Variants in SPAG16 observed in about 807,000 individuals in gnomAD.
SPAG16 encodes the protein sperm associated antigen 16.
Under a neutral mutation model 80.4 loss-of-function variants are expected in SPAG16, and 86 were observed. That is an observed-to-expected ratio of 1.07 (90% CI 0.90 to 1.28). The LOEUF (loss-of-function observed/expected upper bound fraction) is 1.28. Among genes scored for constraint, SPAG16 ranks in the 50% most tolerant of loss-of-function variants. The pLI, the probability that SPAG16 is intolerant of heterozygous loss-of-function variation, is 0.00. For missense variants in SPAG16, 870 were observed against 765.3 expected (o/e 1.14, Z -1.61); for synonymous variants, 294 against 265.9 (o/e 1.11, Z -1.03).
chr2:213,286,902 A>G (rs1414898872), intron 1 of SPAG16, among the ~76,000 whole-genome samples: 1 of 152,258 alleles, frequency 6.6e-6, no homozygotes, highest in Non-Finnish European at 1.5e-5. Flanking sequence ...GGGGACATTA[A>G]TGAAGGTCCC....
intron 10 of SPAG16, among the ~76,000 whole-genome samples, chr2:213,577,607 A>C (rs2060171632): frequency 6.6e-6 from 1 of 152,192 alleles, no homozygotes; most frequent in Non-Finnish European, 1.5e-5. Context: ...CTGACACTTA[A>C]GATAATTCTG....
intron 13 of SPAG16, among the ~76,000 whole-genome samples, chr2:214,086,806 A>G (rs971493988): frequency 6.6e-6 from 1 of 152,150 alleles, no homozygotes; most frequent in Non-Finnish European, 1.5e-5. Flanking sequence ...GATCAATCAC[A>G]TTTCAAACTT....
chr2:213,295,681 T>G (rs536886581), intron 1 of SPAG16, among the ~76,000 whole-genome samples: 46 of 152,262 alleles, frequency 3.0e-4, no homozygotes, highest in African/African-American at 1.1e-3. Flanking sequence ...AAATTCATTG[T>G]GGTTTAAGAT....
At chr2:213,424,363 A>G (rs1436107559) in intron 9 of SPAG16, among the ~76,000 whole-genome samples, 4 of 152,206 alleles carry the variant, frequency 2.6e-5, no homozygotes, top group African/African-American at 9.6e-5. Flanking sequence ...CATTATAGAG[A>G]TTTGAATATA....
At chr2:213,672,131 G>A (rs1485589079) in intron 10 of SPAG16, among the ~76,000 whole-genome samples, 1 of 151,806 alleles carries the variant, frequency 6.6e-6, no homozygotes, top group Non-Finnish European at 1.5e-5. Context: ...ATAAAGTTGT[G>A]AAACAATGAA....
rs556134920 is a variant in SPAG16 at position 213,694,989 on chromosome 2, C to T, written c.1071-167496C>T. On this transcript the variant is annotated intron_variant, in intron 10 of 15. Transcript: ENST00000331683. ...ATATTAGTGAATCTCATGACAAAAT[C>T]TGTACTCTTTGGATCTTGATTTTTT... Among the ~76,000 whole-genome samples, 264 of 152,210 alleles carry T rather than the reference C, an allele frequency of 1.7e-3. 1 individual carries two copies. The highest frequency in any genetic ancestry group is 6.2e-3 in the African/African-American group (257 of 41,550).
At position 213,561,595 on chromosome 2, in the gene SPAG16, G is replaced by C. The variant is rs554721208; in HGVS notation, c.1070+71505G>C. The stretch of plus-strand genomic sequence containing the variant: ...ATATGCATATAATTCTTTACCTCTA[G>C]CAAAATTTTGCTCCCTGAAGTGGTA... On this transcript the variant is annotated intron_variant, in intron 10 of 15. Coordinates refer to ENST00000331683, the MANE Select transcript of SPAG16 (RefSeq NM_024532.5). 1.6e-4 allele frequency among the ~76,000 whole-genome samples: 25 copies of C among 152,188 alleles called. 1 individual carries two copies. Among genetic ancestry groups the C allele is most frequent in the Admixed American group, 1.3e-3 (20 of 15,270 alleles).
chr2:213,763,605 A>G lies in SPAG16; in HGVS notation c.1071-98880A>G, dbSNP rs528395533. 1.4e-3 allele frequency among the ~76,000 whole-genome samples: 207 copies of G among 152,322 alleles called. 1 individual carries two copies. Among genetic ancestry groups the G allele is most frequent in the African/African-American group, 4.8e-3 (201 of 41,578 alleles). On this transcript the variant is annotated intron_variant, in intron 10 of 15. Coordinates refer to ENST00000331683, the MANE Select transcript of SPAG16 (RefSeq NM_024532.5). ...AGGTATTTGCTTTACAACAATGTGC[A>G]TATAGTTAACAATACTATACTGTGT...
At chr2:214,028,804 T>A (rs1196820631) in intron 13 of SPAG16, among the ~76,000 whole-genome samples, 1 of 152,110 alleles carries the variant, frequency 6.6e-6, no homozygotes, top group Admixed American at 6.6e-5. Context: ...TGCACGCATG[T>A]GTATGTGTTG....
chr2:213,335,866 G>A (rs1440131798), intron 5 of SPAG16, among the ~76,000 whole-genome samples: 1 of 152,018 alleles, frequency 6.6e-6, no homozygotes, highest in Non-Finnish European at 1.5e-5. Context: ...AATAGGGTGT[G>A]CTGGGAGGTG....
intron 11 of SPAG16, among the ~76,000 whole-genome samples, chr2:213,893,688 A>C (rs773777323): frequency 6.6e-6 from 1 of 152,070 alleles, no homozygotes; most frequent in East Asian, 1.9e-4. Context: ...TAACTTTATT[A>C]TATCTATAAG....
chr2:214,370,567 A>C (rs905547030), intron 15 of SPAG16, among the ~76,000 whole-genome samples: 1 of 152,194 alleles, frequency 6.6e-6, no homozygotes, highest in African/African-American at 2.4e-5. Context: ...CAAGAGAGTG[A>C]GAGAGAGTGT....
intron 9 of SPAG16, among the ~76,000 whole-genome samples, chr2:213,430,536 C>A (rs955634506): frequency 2.0e-5 from 3 of 151,600 alleles, no homozygotes; most frequent in Non-Finnish European, 4.4e-5. Flanking sequence ...GACAATTATT[C>A]TTCTTCCAAT....
chr2:213,447,968 A>G (rs954721567), intron 9 of SPAG16, among the ~76,000 whole-genome samples: 2 of 152,218 alleles, frequency 1.3e-5, no homozygotes, highest in Non-Finnish European at 2.9e-5. Flanking sequence ...TGTTACTTTA[A>G]TTGCTGTGAT....
intron 10 of SPAG16, among the ~76,000 whole-genome samples, chr2:213,626,228 A>G (rs1363322281): frequency 6.6e-6 from 1 of 152,158 alleles, no homozygotes; most frequent in African/African-American, 2.4e-5. Context: ...ATGATAAGGA[A>G]TCATATTAGC....
rs375300280 is a variant in SPAG16 at position 213,462,204 on chromosome 2, G to A, written c.943-27759G>A. Among the ~76,000 whole-genome samples the A allele has an allele frequency of 3.9e-5, 6 of 152,202 alleles. No homozygotes were observed. In the South Asian group the frequency reaches 1.0e-3, roughly 26 times the overall value. ...ACTTCTACAGAATTGCTTGACTTTT[G>A]GAGTGAAAATAGGGAATTCCTACAG... is the stretch of plus-strand genomic sequence containing the variant. On this transcript the variant is annotated intron_variant, in intron 9 of 15. Coordinates refer to ENST00000331683, the MANE Select transcript of SPAG16 (RefSeq NM_024532.5).
chr2:214,328,738 T>A (rs61567019), intron 15 of SPAG16, among the ~76,000 whole-genome samples: 18,237 of 152,230 alleles, frequency 0.12, 1,718 homozygotes, highest in African/African-American at 0.27. Flanking sequence ...CTTTTGATGA[T>A]GTTATTAAAA....
At chr2:213,320,036 A>G (rs1409130926) in intron 5 of SPAG16, among the ~76,000 whole-genome samples, 1 of 151,976 alleles carries the variant, frequency 6.6e-6, no homozygotes, top group Non-Finnish European at 1.5e-5. Context: ...GGAAGATTTG[A>G]AAGGAAGCTG....
intron 13 of SPAG16, among the ~76,000 whole-genome samples, chr2:214,051,385 T>C (rs886618560): frequency 3.3e-5 from 5 of 152,230 alleles, no homozygotes; most frequent in African/African-American, 1.2e-4. Context: ...ACATTAGGAA[T>C]CTGCAGAAGC....
Sources: gnomAD v4.1 joint callset for allele counts (sites outside exome capture counted in the v4.1 genomes callset) on GRCh38, gnomAD v4.1.1 for gene constraint, MANE v1.5 for transcripts, NCBI Gene and HGNC (gene_info 2026-07-23, HGNC 2026-07-21) for gene names.